MORC1: variants seen among roughly 807,000 people sequenced by gnomAD.
MORC1 encodes the protein MORC family CW-type zinc finger 1.
A neutral mutation model predicts 134.9 loss-of-function variants in MORC1; 59 were observed. The ratio of observed to expected loss-of-function variants is 0.44; its 90% confidence interval spans 0.35 to 0.54. The LOEUF (loss-of-function observed/expected upper bound fraction) is 0.54. MORC1 is among the 20% of genes least tolerant of loss of function. MORC1 has a pLI of 0.00. For synonymous variants in MORC1, 395 were observed against 391.7 expected, an observed-to-expected ratio of 1.01 and a Z score of -0.10; for missense variants, 947 against 1,134.5, an observed-to-expected ratio of 0.83 and a Z score of 2.37.
intron 14 of MORC1, among the ~76,000 whole-genome samples, chr3:109,044,516 C>A (rs1403905421): frequency 6.6e-6 from 1 of 150,842 alleles, no homozygotes; most frequent in Non-Finnish European, 1.5e-5. Flanking sequence ...CGATATCACG[C>A]CACTGCACTC....
At chr3:108,977,036 T>C (rs911234243) in intron 24 of MORC1, among the ~76,000 whole-genome samples, 4 of 152,196 alleles carry the variant, frequency 2.6e-5, no homozygotes, top group African/African-American at 9.6e-5. Context: ...GAAATTTAAG[T>C]AGCTATGCAT....
At position 109,073,300 on chromosome 3, in the gene MORC1, GTT is replaced by G. The variant is rs372871503; in HGVS notation, c.690-3545_690-3544del. Among the ~76,000 whole-genome samples the G allele has an allele frequency of 5.1e-3, 779 of 152,322 alleles. 18 individuals are homozygous for G. Among genetic ancestry groups the G allele is most frequent in the African/African-American group, 0.018 (747 of 41,566 alleles). On this transcript the variant is annotated intron_variant, in intron 8 of 27. Transcript: ENST00000232603. ...GGCAGTGAAGGAGCCAGAAACTAAT[GTT>G]CTGTGGCTAAGGCCATAGCTCCTTA...
intron 27 of MORC1, among the ~76,000 whole-genome samples, chr3:108,959,539 C>A (rs1475139861): frequency 6.6e-6 from 1 of 152,136 alleles, no homozygotes; most frequent in Non-Finnish European, 1.5e-5. Flanking sequence ...ATTGCAGCGT[C>A]TTTTCCCTCA....
At chr3:108,971,437 CT>C (rs1947377270) in intron 24 of MORC1, 35 bp from the exon 25 acceptor site, 7 of 1,571,768 alleles carry the variant, frequency 4.5e-6, no homozygotes, top group Non-Finnish European at 6.1e-6. Flanking sequence ...TGGGAATATA[CT>C]AGGATAACAG....
chr3:108,958,841 A>C lies in MORC1; in HGVS notation c.*124T>G. 1 of 590,068 alleles carries C rather than the reference A, an allele frequency of 1.7e-6. No homozygotes were observed. The highest frequency in any genetic ancestry group is 2.6e-6 in the Non-Finnish European group (1 of 377,712). 36.6% of individuals were successfully genotyped at this position (590,068 alleles called of 1,614,324 possible). On this transcript the variant is annotated 3_prime_UTR_variant, in exon 28 of 28. Transcript: ENST00000232603. Reference sequence around the variant, plus strand: ...ACAATTTTCTTATTTGAAAAAAATTATTTCTTATTTCTTATTGTTAAACAG... The same window carrying C: ...ACAATTTTCTTATTTGAAAAAAATTCTTTCTTATTTCTTATTGTTAAACAG...
In MORC1 at chr3:108,958,831, G is replaced by GA. The variant is rs1365967731; in HGVS notation, c.*133dup. 1.1e-4 allele frequency: 62 copies of GA among 545,770 alleles called. No individual in the cohort carries two copies. The highest frequency in any genetic ancestry group is 3.3e-4 in the East Asian group (9 of 27,434). 33.8% of individuals were successfully genotyped at this position (545,770 alleles called of 1,614,324 possible). ...TCTAGAGTACACAATTTTCTTATTTGAAAAAAATTATTTCTTATTTCTTAT... is the reference window on the plus strand; with the variant it reads ...TCTAGAGTACACAATTTTCTTATTTGAAAAAAAATTATTTCTTATTTCTTAT... On this transcript the variant is annotated 3_prime_UTR_variant, in exon 28 of 28. Transcript: ENST00000232603.
chr3:109,020,395 T>G (rs1948927538), intron 17 of MORC1, among the ~76,000 whole-genome samples: 1 of 152,096 alleles, frequency 6.6e-6, no homozygotes, highest in South Asian at 2.1e-4. Flanking sequence ...TACACCCTGG[T>G]TAGAATGCTG....
intron 17 of MORC1, among the ~76,000 whole-genome samples, chr3:109,021,163 A>T (rs1238501087): frequency 6.6e-6 from 1 of 152,184 alleles, no homozygotes; most frequent in Non-Finnish European, 1.5e-5. Context: ...ACAGTCAGGG[A>T]ACAGGCCCTG....
chr3:109,035,057 G>A (rs1949342599), intron 15 of MORC1, among the ~76,000 whole-genome samples: 1 of 151,998 alleles, frequency 6.6e-6, no homozygotes, highest in African/African-American at 2.4e-5. Context: ...CCTGAAACTA[G>A]TTTAAAGACT....
intron 9 of MORC1, among the ~76,000 whole-genome samples, chr3:109,063,945 G>A (rs1158922288): frequency 6.6e-6 from 1 of 152,018 alleles, no homozygotes. Context: ...ATCATAGAGA[G>A]AAAAATTCTA....
chr3:108,963,233 G>GTTCTA (rs1947129679), intron 27 of MORC1, among the ~76,000 whole-genome samples, 181 bp downstream of exon 27: 1 of 151,472 alleles, frequency 6.6e-6, no homozygotes, highest in Non-Finnish European at 1.5e-5. Flanking sequence ...GTTTCTAAAT[G>GTTCTA]TTCTAATATA....
In MORC1 at chr3:109,079,682, C is replaced by T. The variant is rs116271219; in HGVS notation, c.690-9925G>A. Among the ~76,000 whole-genome samples, 777 of 152,078 alleles carry T rather than the reference C, an allele frequency of 5.1e-3. 18 individuals are homozygous for T. The highest frequency in any genetic ancestry group is 0.018 in the African/African-American group (745 of 41,510). On this transcript the variant is annotated intron_variant, in intron 8 of 27. Transcript: ENST00000232603. ...AAGAAAAAAGAAAAAGGATGAGCAA[C>T]AGAAGACACAAAATCACAAAGCTGT...
intron 11 of MORC1, among the ~76,000 whole-genome samples, chr3:109,061,446 T>C (rs1950081942): frequency 6.6e-6 from 1 of 152,192 alleles, no homozygotes; most frequent in Non-Finnish European, 1.5e-5. Context: ...CAAAGAATGT[T>C]TATGAACTGT....
chr3:109,068,615 G>A (rs1456140723), intron 9 of MORC1, among the ~76,000 whole-genome samples: 1 of 152,164 alleles, frequency 6.6e-6, no homozygotes, highest in Non-Finnish European at 1.5e-5. Flanking sequence ...CCTGTTGACT[G>A]ATGGGCATTT....
chr3:109,054,860 T>A lies in MORC1; in HGVS notation c.1198A>T (p.Ile400Phe). The A allele has an allele frequency of 6.2e-7, 1 of 1,602,274 alleles. No homozygotes were observed. Among genetic ancestry groups the A allele is most frequent in the South Asian group, 1.1e-5 (1 of 87,976 alleles). The change falls in exon 14 of 28, where the codon ATT (isoleucine) becomes TTT (phenylalanine). Residue 400 changes from isoleucine (I) to phenylalanine (F), a missense_variant. By Grantham distance (21) the Ile-to-Phe change is conservative. Around this residue, in one of 3 missense-constraint regions of MORC1, gnomAD observed 722 missense variants for 817.0 expected, o/e 0.88. Transcript: ENST00000232603. Reference protein sequence around the residue: ...KSLLGAGVVGIVNIPLEVMEP... With the variant: ...KSLLGAGVVGFVNIPLEVMEP... ...ATGACCTCCAAGGGTATATTAACAA[T>A]TCCAACCACGCCTGCGCCAAGTCTG...
intron 8 of MORC1, among the ~76,000 whole-genome samples, chr3:109,076,145 C>T (rs1950416026): frequency 6.6e-6 from 1 of 152,060 alleles, no homozygotes; most frequent in Non-Finnish European, 1.5e-5. Context: ...TAGAAAAAAA[C>T]AACCCCATCA....
Position 108,993,885 on chromosome 3 carries a change from T to C in MORC1, c.2187+6672A>G, listed in dbSNP as rs528283391. Among the ~76,000 whole-genome samples, 11 of 152,318 alleles carry C rather than the reference T, an allele frequency of 7.2e-5. No individual in the cohort carries two copies. The East Asian group carries it at 1.7e-3, about 24-fold the overall frequency. ...GTACTGATGCCAAACACAGTACTTA[T>C]AGTTGTTTTTCATTTGTTTTGGCCA... On this transcript the variant is annotated intron_variant, in intron 21 of 27. Coordinates refer to ENST00000232603, the MANE Select transcript of MORC1 (RefSeq NM_014429.4).
intron 17 of MORC1, among the ~76,000 whole-genome samples, chr3:109,022,704 A>G (rs1948988132): frequency 6.6e-6 from 1 of 152,268 alleles, no homozygotes; most frequent in African/African-American, 2.4e-5. Flanking sequence ...ACCTATGTAG[A>G]GTCAACCAAT....
At chr3:109,091,638 C>T (rs909133746) in intron 8 of MORC1, among the ~76,000 whole-genome samples, 2 of 152,170 alleles carry the variant, frequency 1.3e-5, no homozygotes, top group South Asian at 4.2e-4. Flanking sequence ...CCCTTCTTGG[C>T]ACCATCACAG....
Sources: allele counts gnomAD v4.1 joint callset (sites outside exome capture counted in the v4.1 genomes callset), GRCh38; gene constraint gnomAD v4.1.1; regional missense constraint gnomAD v4.1.1; transcripts MANE v1.5; gene names NCBI Gene and HGNC (gene_info 2026-07-23, HGNC 2026-07-21).